Variants in WFDC8 observed in about 807,000 individuals in gnomAD.
WFDC8 encodes the protein WAP four-disulfide core domain 8, also known as WAP four-disulfide core domain protein 8.
In WFDC8, 24 loss-of-function variants were observed where a neutral mutation model predicts 27.0. That is an observed-to-expected ratio of 0.89 (90% CI 0.64 to 1.25). WFDC8 has a LOEUF of 1.25. Among genes scored for constraint, WFDC8 ranks in the 50% most tolerant of loss-of-function variants. The probability of loss-of-function intolerance (pLI) is 0.00; values close to 1 mark genes in which losing one functional copy is unlikely to be tolerated. For missense variants in WFDC8, 287 were observed against 295.9 expected (o/e 0.97, Z 0.22); for synonymous variants, 106 against 99.7 (o/e 1.06, Z -0.38).
At chr20:45,569,122 A>G (rs530409522) in intron 1 of WFDC8, among the ~76,000 whole-genome samples, 155 of 152,294 alleles carry the variant, frequency 1.0e-3, no homozygotes, top group Middle Eastern at 3.4e-3. Flanking sequence ...TCTGCAGATG[A>G]CCTTTCACAG....
At chr20:45,572,771 T>G (rs1980914353) in intron 1 of WFDC8, among the ~76,000 whole-genome samples, 1 of 152,178 alleles carries the variant, frequency 6.6e-6, no homozygotes, top group African/African-American at 2.4e-5. Flanking sequence ...CATGCCCAGC[T>G]AATTTTTGTG....
At chr20:45,557,348 G>A (rs1277011108) in intron 3 of WFDC8, among the ~76,000 whole-genome samples, 1 of 152,090 alleles carries the variant, frequency 6.6e-6, no homozygotes, top group Non-Finnish European at 1.5e-5. Flanking sequence ...AGCAATAAAC[G>A]AACTTATTTC....
In WFDC8 at chr20:45,552,513, G is replaced by A. The variant is rs58928694; in HGVS notation, c.587-348C>T. Among the ~76,000 whole-genome samples, 990 of 152,258 alleles carry A rather than the reference G, an allele frequency of 6.5e-3. 14 individuals carry two copies. The highest frequency in any genetic ancestry group is 0.023 in the African/African-American group (940 of 41,546). On this transcript the variant is annotated intron_variant, in intron 5 of 5. Transcript: ENST00000289953. ...TTTTACAAATTGTAGGCATTGAGGC[G>A]TATTTAGAGGGAAATGAGTTGCCCA...
chr20:45,570,217 A>T (rs1980822772), intron 1 of WFDC8, among the ~76,000 whole-genome samples: 1 of 152,208 alleles, frequency 6.6e-6, no homozygotes, highest in African/African-American at 2.4e-5. Context: ...TGACATGAAT[A>T]AAAGACTTCT....
chr20:45,575,004 T>C (rs549106504), intron 1 of WFDC8, among the ~76,000 whole-genome samples: 10 of 152,080 alleles, frequency 6.6e-5, no homozygotes, highest in Non-Finnish European at 1.5e-4. Flanking sequence ...CTCAACAAAT[T>C]AGGTATAGAA....
At chr20:45,562,442 G>T (rs552831278) in intron 1 of WFDC8, among the ~76,000 whole-genome samples, 10 of 152,298 alleles carry the variant, frequency 6.6e-5, no homozygotes, top group South Asian at 2.1e-4. Flanking sequence ...CCCTGCCATG[G>T]TGCTGTACCT....
At chr20:45,559,460 T>C (rs1178301035) in intron 2 of WFDC8, among the ~76,000 whole-genome samples, 1 of 152,192 alleles carries the variant, frequency 6.6e-6, no homozygotes, top group Non-Finnish European at 1.5e-5. Flanking sequence ...AATTTACCTC[T>C]AAGGAGTAAG....
intron 5 of WFDC8, among the ~76,000 whole-genome samples, chr20:45,552,535 C>T (rs1477404307): frequency 6.6e-6 from 1 of 152,142 alleles, no homozygotes; most frequent in Non-Finnish European, 1.5e-5. Flanking sequence ...AAATGAGTTG[C>T]CCAATGCCAC....
intron 1 of WFDC8, chr20:45,568,848 G>A: frequency 3.3e-6 from 1 of 303,788 alleles, no homozygotes; most frequent in Non-Finnish European, 6.8e-6. Context: ...AATAGTCCAT[G>A]AAAGAAATAT....
chr20:45,569,408 GTGTT>G (rs1479786720), intron 1 of WFDC8, among the ~76,000 whole-genome samples: 1 of 152,064 alleles, frequency 6.6e-6, no homozygotes, highest in African/African-American at 2.4e-5. Context: ...TTTTTACAAT[GTGTT>G]TATTTACATG....
intron 5 of WFDC8, 106 bp downstream of exon 5, chr20:45,553,030 A>G (rs6032298): frequency 0.4 from 547,051 of 1,367,856 alleles, 114,159 homozygotes; most frequent in Non-Finnish European, 0.43. Context: ...CTCAAAGATG[A>G]GCCCAAGGAG....
At chr20:45,555,070 C>T (rs370316672) in intron 4 of WFDC8, among the ~76,000 whole-genome samples, 1 of 152,206 alleles carries the variant, frequency 6.6e-6, no homozygotes, top group East Asian at 1.9e-4. Flanking sequence ...CTGCCAACAA[C>T]TCAACGAGCT....
At chr20:45,558,325 T>C (rs1371093629) in intron 3 of WFDC8, among the ~76,000 whole-genome samples, 1 of 152,342 alleles carries the variant, frequency 6.6e-6, no homozygotes, top group South Asian at 2.1e-4. Flanking sequence ...CAATAAGTAA[T>C]AAACCCAATT....
intron 1 of WFDC8, chr20:45,568,072 C>G (rs1350985298): frequency 1.2e-5 from 4 of 329,602 alleles, no homozygotes; most frequent in African/African-American, 8.8e-5. Flanking sequence ...ACTAAAAAAG[C>G]TGTTGCTGTG....
At chr20:45,572,457 GTTTAA>G (rs1156464951) in intron 1 of WFDC8, among the ~76,000 whole-genome samples, 1 of 149,314 alleles carries the variant, frequency 6.7e-6, no homozygotes, top group Non-Finnish European at 1.5e-5. Context: ...CACTTGTTAT[GTTTAA>G]TCTTTTTGAT....
intron 1 of WFDC8, chr20:45,568,398 TC>T (rs1015004797): frequency 3.9e-6 from 1 of 259,284 alleles, no homozygotes; most frequent in Non-Finnish European, 8.0e-6. Flanking sequence ...GGAGGTTATC[TC>T]CCTTTTCACA....
intron 4 of WFDC8, 52 bp from the exon 5 acceptor site, chr20:45,553,328 C>A (rs765298479): frequency 8.3e-6 from 13 of 1,573,934 alleles, no homozygotes; most frequent in South Asian, 1.2e-5. Context: ...CATCCCACCA[C>A]CCTTCAAAGA....
intron 1 of WFDC8, among the ~76,000 whole-genome samples, chr20:45,565,021 A>AAAGAAAGG (rs144470212): frequency 1.1e-3 from 162 of 146,646 alleles, no homozygotes; most frequent in African/African-American, 1.7e-3. Flanking sequence ...AAAGAGAAAG[A>AAAGAAAGG]AAGGAAGGAA....
intron 4 of WFDC8, 111 bp from the exon 5 acceptor site, chr20:45,553,387 C>A: frequency 7.4e-7 from 1 of 1,358,802 alleles, no homozygotes. Flanking sequence ...ACTTGGTTCA[C>A]CCTACCCTAT....
Sources: allele counts gnomAD v4.1 joint callset (sites outside exome capture counted in the v4.1 genomes callset), GRCh38; gene constraint gnomAD v4.1.1; transcripts MANE v1.5; gene names NCBI Gene and HGNC (gene_info 2026-07-23, HGNC 2026-07-21).